The following SRBD1 variants were observed in gnomAD, a reference collection of about 807,000 sequenced individuals.
SRBD1 encodes the protein S1 RNA-binding domain-containing protein 1.
In SRBD1, 88 loss-of-function variants were observed where a neutral mutation model predicts 115.3. The observed-to-expected ratio is 0.76, with a 90% CI of 0.64 to 0.91. SRBD1 has a LOEUF of 0.91. SRBD1 is among the 40% of genes least tolerant of loss of function. SRBD1 has a pLI of 0.00. For missense variants in SRBD1, 1,385 were observed against 1,177.4 expected (o/e 1.18, Z -2.58); for synonymous variants, 509 against 407.7 (o/e 1.25, Z -2.99).
chr2:45,440,355 T>C (rs2103705623), intron 16 of SRBD1, among the ~76,000 whole-genome samples: 1 of 152,338 alleles, frequency 6.6e-6, no homozygotes, highest in African/African-American at 2.4e-5. Context: ...CAGGTCGATA[T>C]GGTGGACGAA....
chr2:45,605,444 A>G lies in SRBD1; in HGVS notation c.1-3T>C, dbSNP rs755360112. The G allele has an allele frequency of 6.2e-7, 1 of 1,612,834 alleles. No individual in the cohort carries two copies. Among genetic ancestry groups the G allele is most frequent in the South Asian group, 1.1e-5 (1 of 90,990 alleles). ...GCTCTTCTTGGCAATGATGACATCT[A>G]GAAGAAACAGAAAATAAAATCAGCA... On this transcript the variant is annotated splice_polypyrimidine_tract_variant and splice_region_variant and intron_variant, in intron 1 of 20. Coordinates refer to ENST00000263736, the MANE Select transcript of SRBD1 (RefSeq NM_018079.5).
chr2:45,573,226 C>A lies in SRBD1; in HGVS notation c.1286G>T (p.Arg429Ile), dbSNP rs4383384. ...LLYQHFSCNI[R>I]NIHHHQILAI... is the part of the protein sequence containing the mutation. ...ATTTACCTGATGATGGTGAATGTTT[C>A]TTATGTTGCAGGAAAAATGCTGGTA... is the stretch of plus-strand genomic sequence containing the variant. Residue 429 changes from arginine (R) to isoleucine (I), a missense_variant, in exon 9 of 21, where the codon AGA becomes ATA. Transcript: ENST00000263736. 4 of 1,609,332 alleles carry A rather than the reference C, an allele frequency of 2.5e-6. No individual in the cohort carries two copies. The highest frequency in any genetic ancestry group is 2.5e-6 in the Non-Finnish European group (3 of 1,178,438).
intron 2 of SRBD1, among the ~76,000 whole-genome samples, chr2:45,603,313 G>T (rs939878383): frequency 6.6e-6 from 1 of 152,218 alleles, no homozygotes; most frequent in Non-Finnish European, 1.5e-5. Context: ...TGAGCTCTCA[G>T]GAGCATCTGG....
chr2:45,411,038 G>C (rs1464205469), intron 19 of SRBD1, among the ~76,000 whole-genome samples: 1 of 152,150 alleles, frequency 6.6e-6, no homozygotes, highest in Admixed American at 6.5e-5. Context: ...TGAACTCCAG[G>C]GTCATAGGAA....
intron 15 of SRBD1, among the ~76,000 whole-genome samples, chr2:45,487,731 T>C (rs1406716188): frequency 1.3e-5 from 2 of 152,158 alleles, no homozygotes; most frequent in Non-Finnish European, 2.9e-5. Context: ...CTTGGCTCAC[T>C]AGAACCTCTG....
At chr2:45,464,414 G>C (rs1669417085) in intron 16 of SRBD1, among the ~76,000 whole-genome samples, 1 of 152,076 alleles carries the variant, frequency 6.6e-6, no homozygotes, top group Non-Finnish European at 1.5e-5. Flanking sequence ...GATGTTCTAG[G>C]GTACCTTTTG....
intron 19 of SRBD1, among the ~76,000 whole-genome samples, chr2:45,403,149 C>G (rs1183089151): frequency 6.6e-6 from 1 of 152,138 alleles, no homozygotes; most frequent in South Asian, 2.1e-4. Context: ...GGATACAATG[C>G]TCTGTGAAGG....
intron 14 of SRBD1, among the ~76,000 whole-genome samples, chr2:45,533,372 A>C (rs973584785): frequency 6.6e-6 from 1 of 152,096 alleles, no homozygotes; most frequent in Non-Finnish European, 1.5e-5. Flanking sequence ...AAAGTCCTAA[A>C]GGATGGACAC....
rs71394840 is a variant in SRBD1, at chr2:45,521,286, A to AACACACACACACAC, written c.1874+25432_1874+25445dup. ...CCTACAACTCAACAACAAAAAGGAA[A>AACACACACACACAC]ACACACACACACACACACACACACA... On this transcript the variant is annotated intron_variant, in intron 14 of 20. Coordinates refer to ENST00000263736, the MANE Select transcript of SRBD1 (RefSeq NM_018079.5). Among the ~76,000 whole-genome samples, 31 of 146,428 alleles carry AACACACACACACAC rather than the reference A, an allele frequency of 2.1e-4. No homozygotes were observed. In the South Asian group the frequency reaches 3.3e-3, roughly 16 times the overall value.
intron 10 of SRBD1, among the ~76,000 whole-genome samples, chr2:45,557,131 G>A (rs190493516): frequency 4.6e-5 from 7 of 152,254 alleles, no homozygotes; most frequent in African/African-American, 1.2e-4. Flanking sequence ...TAAGGTTAGC[G>A]CTTCTAGGAA....
At chr2:45,599,421 TAA>T in intron 4 of SRBD1, 26 bp downstream of exon 4, 4 of 1,593,490 alleles carry the variant, frequency 2.5e-6, no homozygotes, top group Non-Finnish European at 3.4e-6. Flanking sequence ...TCAAAACAAC[TAA>T]AGTGACAGAA....
chr2:45,528,300 A>G (rs2103974838), intron 14 of SRBD1, among the ~76,000 whole-genome samples: 1 of 151,972 alleles, frequency 6.6e-6, no homozygotes, highest in South Asian at 2.1e-4. Context: ...CAGCTCATGA[A>G]AGCCTTAACA....
rs187905269 is a variant in SRBD1, at chr2:45,599,679, T to C, written c.418A>G (p.Ser140Gly). ...TCACCCTCTAAGTTGCTGGCTTTGC[T>C]GGTTTCTTCTTCAACTTTCAGCTTT... ...TKKLKVEEET[S>G]KASNLEGESN... The change falls in exon 4 of 21, where the codon AGC (serine) becomes GGC (glycine). Residue 140 changes from serine (S) to glycine (G), a missense_variant. Coordinates refer to ENST00000263736, the MANE Select transcript of SRBD1 (RefSeq NM_018079.5). The C allele has an allele frequency of 1.2e-4, 196 of 1,614,240 alleles. No individual in the cohort carries two copies. Among genetic ancestry groups the C allele is most frequent in the Non-Finnish European group, 1.6e-4 (188 of 1,180,040 alleles).
At chr2:45,469,023 T>C (rs1427372125) in intron 16 of SRBD1, among the ~76,000 whole-genome samples, 1 of 152,216 alleles carries the variant, frequency 6.6e-6, no homozygotes, top group Non-Finnish European at 1.5e-5. Flanking sequence ...TTCTGTGAAC[T>C]GCCTGTTCAT....
intron 2 of SRBD1, among the ~76,000 whole-genome samples, chr2:45,603,448 T>A (rs1208853572): frequency 1.3e-5 from 2 of 152,190 alleles, no homozygotes; most frequent in Non-Finnish European, 2.9e-5. Context: ...AATGCTGGAA[T>A]CCCTCGAGGC....
At chr2:45,579,285 A>G (rs2104172819) in intron 7 of SRBD1, among the ~76,000 whole-genome samples, 1 of 152,348 alleles carries the variant, frequency 6.6e-6, no homozygotes, top group African/African-American at 2.4e-5. Context: ...TTTCAGAAAA[A>G]TACACTTTAC....
chr2:45,560,256 A>G (rs897615456), intron 10 of SRBD1, among the ~76,000 whole-genome samples: 1 of 152,198 alleles, frequency 6.6e-6, no homozygotes, highest in Non-Finnish European at 1.5e-5. Context: ...AATCACTGTA[A>G]AAAAATTCCT....
intron 16 of SRBD1, among the ~76,000 whole-genome samples, chr2:45,435,865 C>G (rs977206837): frequency 1.3e-5 from 2 of 152,168 alleles, no homozygotes; most frequent in Non-Finnish European, 2.9e-5. Flanking sequence ...TCTCTATAAT[C>G]TTTTCCAGAA....
At chr2:45,479,433 C>T (rs1484365852) in intron 15 of SRBD1, among the ~76,000 whole-genome samples, 1 of 152,156 alleles carries the variant, frequency 6.6e-6, no homozygotes, top group Non-Finnish European at 1.5e-5. Flanking sequence ...CTCCAGTGGA[C>T]ACACAAATGA....
Sources: gnomAD v4.1 joint callset for allele counts (sites outside exome capture counted in the v4.1 genomes callset) on GRCh38, gnomAD v4.1.1 for gene constraint, MANE v1.5 for transcripts, NCBI Gene and HGNC (gene_info 2026-07-23, HGNC 2026-07-21) for gene names.